Variants in SCARA3 observed in about 807,000 individuals in gnomAD.
The protein encoded by SCARA3 is cellular stress response gene protein.
Under a neutral mutation model 47.0 loss-of-function variants are expected in SCARA3, and 39 were observed. That is an observed-to-expected ratio of 0.83 (90% CI 0.64 to 1.08). SCARA3 has a LOEUF of 1.08. Among genes scored for constraint, SCARA3 ranks in the 50% least tolerant of loss-of-function variants. SCARA3 has a pLI of 0.00. For synonymous variants in SCARA3, 356 were observed against 334.1 expected (o/e 1.07, Z -0.71); for missense variants, 724 against 792.3 (o/e 0.91, Z 1.04).
chr8:27,699,683 C>A, the SCARA3 span, among the ~76,000 whole-genome samples: 1 of 152,124 alleles, frequency 6.6e-6, no homozygotes, highest in African/African-American at 2.4e-5. Flanking sequence ...AATCCCAGCA[C>A]TTTGGGAGGC....
At position 27,658,644 on chromosome 8, in the gene SCARA3, G is replaced by A; in HGVS notation, c.474G>A (p.Glu158=). ...VQLDQTLQAQ[E]VLSTTSRQIS... is the part of the protein sequence containing the mutation. ...TGGACCAGACCTTACAGGCCCAGGAGGTGCTCTCCACCACCAGCAGACAAA... is the reference window on the plus strand; with the variant it reads ...TGGACCAGACCTTACAGGCCCAGGAAGTGCTCTCCACCACCAGCAGACAAA... Residue 158 remains glutamate (E), a synonymous_variant, in exon 5 of 6, where the codon GAG becomes GAA. Transcript: ENST00000301904. 4 of 1,614,130 alleles carry A rather than the reference G, an allele frequency of 2.5e-6. No homozygotes were observed. Among genetic ancestry groups the A allele is most frequent in the Non-Finnish European group, 3.4e-6 (4 of 1,180,018 alleles).
At chr8:27,639,803 C>A (rs1467456740) in intron 1 of SCARA3, among the ~76,000 whole-genome samples, 1 of 152,148 alleles carries the variant, frequency 6.6e-6, no homozygotes, top group Non-Finnish European at 1.5e-5. Flanking sequence ...ATGGTAATGT[C>A]ATGGAAATTG....
At chr8:27,634,875 G>C (rs369025860) in intron 1 of SCARA3, among the ~76,000 whole-genome samples, 4 of 152,302 alleles carry the variant, frequency 2.6e-5, no homozygotes, top group African/African-American at 9.6e-5. Context: ...ATGATCCCAA[G>C]TGGCCATTTC....
chr8:27,664,441 A>G (rs561380784), intron 5 of SCARA3, among the ~76,000 whole-genome samples: 1 of 152,294 alleles, frequency 6.6e-6, no homozygotes, highest in East Asian at 1.9e-4. Flanking sequence ...AGGGAGTTTA[A>G]AGGAATAAGC....
chr8:27,699,141 G>A, the SCARA3 span, among the ~76,000 whole-genome samples: 1 of 151,776 alleles, frequency 6.6e-6, no homozygotes, highest in Non-Finnish European at 1.5e-5. Context: ...CTACTTGGGA[G>A]GCTGAGGCAG....
chr8:27,713,952 T>C, the SCARA3 span, among the ~76,000 whole-genome samples: 3 of 152,126 alleles, frequency 2.0e-5, no homozygotes. Flanking sequence ...GTCTTTGCCA[T>C]TGCGAGCTCT....
chr8:27,638,322 G>A (rs1249722826), intron 1 of SCARA3, among the ~76,000 whole-genome samples: 5 of 99,768 alleles, frequency 5.0e-5, no homozygotes, highest in Admixed American at 1.1e-4. Flanking sequence ...GATTGTGTGT[G>A]TGTGTGTGTG....
the SCARA3 span, among the ~76,000 whole-genome samples, chr8:27,718,953 C>CA: frequency 6.6e-6 from 1 of 152,292 alleles, no homozygotes; most frequent in Admixed American, 6.5e-5. Context: ...CCAACAGTCT[C>CA]AAGACGTAAA....
intron 5 of SCARA3, among the ~76,000 whole-genome samples, chr8:27,666,256 T>C (rs1309010524): frequency 2.0e-5 from 3 of 152,214 alleles, no homozygotes; most frequent in African/African-American, 7.2e-5. Context: ...TAAGCCTCTT[T>C]GCACAAACCA....
At chr8:27,710,104 C>A in the SCARA3 span, among the ~76,000 whole-genome samples, 1 of 152,088 alleles carries the variant, frequency 6.6e-6, no homozygotes, top group Non-Finnish European at 1.5e-5. Flanking sequence ...GTGGTGCATG[C>A]CTGTAGTCCC....
chr8:27,645,111 A>G (rs1053716851), intron 1 of SCARA3, among the ~76,000 whole-genome samples: 1 of 152,258 alleles, frequency 6.6e-6, no homozygotes, highest in Non-Finnish European at 1.5e-5. Context: ...GCAAAATTTT[A>G]TAAATTTCGA....
chr8:27,714,156 C>T, the SCARA3 span, among the ~76,000 whole-genome samples: 1 of 150,408 alleles, frequency 6.6e-6, no homozygotes, highest in South Asian at 2.1e-4. Context: ...GCCAATTAAA[C>T]CTCTTTCCTT....
chr8:27,676,574 A>T (rs1237537136), downstream of SCARA3: 1 of 1,603,636 alleles, frequency 6.2e-7, no homozygotes, highest in African/African-American at 1.3e-5. Context: ...TCTAGGTCAC[A>T]CTTTGTTTTC....
the SCARA3 span, among the ~76,000 whole-genome samples, chr8:27,699,491 C>T: frequency 6.6e-6 from 1 of 152,084 alleles, no homozygotes; most frequent in Non-Finnish European, 1.5e-5. Context: ...AGGCGTAAGC[C>T]ACTGTGCCAG....
chr8:27,648,986 AG>A (rs1801572056), intron 1 of SCARA3, among the ~76,000 whole-genome samples: 1 of 152,014 alleles, frequency 6.6e-6, no homozygotes, highest in South Asian at 2.1e-4. Context: ...GGAAGGAGAA[AG>A]GGAAGAAAAG....
At position 27,659,518 on chromosome 8, in the gene SCARA3, C is replaced by T. The variant is rs760109357; in HGVS notation, c.1348C>T (p.Arg450Cys). ...AVDTQHGEILRNVTILRGAPG... is the reference protein window; with the variant it reads ...AVDTQHGEILCNVTILRGAPG... ...GGACACACAGCATGGAGAAATCCTT[C>T]GCAATGTCACCATCCTACGAGGTAA... Residue 450 changes from arginine to cysteine, a missense_variant, in exon 5 of 6, where the codon CGC (arginine) becomes TGC (cysteine). Physicochemically the swap from Arg to Cys is radical, Grantham distance 180. Coordinates refer to ENST00000301904, the MANE Select transcript of SCARA3 (RefSeq NM_016240.3). 2.8e-5 allele frequency: 45 copies of T among 1,609,768 alleles called. No homozygotes were observed. Among genetic ancestry groups the T allele is most frequent in the South Asian group, 5.5e-5 (5 of 90,658 alleles).
the SCARA3 span, among the ~76,000 whole-genome samples, chr8:27,692,805 T>C: frequency 1.3e-5 from 2 of 152,118 alleles, no homozygotes; most frequent in African/African-American, 4.8e-5. Context: ...GGTCTTTAGA[T>C]AATAACTTAA....
the SCARA3 span, among the ~76,000 whole-genome samples, chr8:27,708,035 G>A: frequency 2.0e-5 from 3 of 152,096 alleles, no homozygotes; most frequent in African/African-American, 7.2e-5. Context: ...GAATAGGCCA[G>A]CAAAGCAAAA....
intron 3 of SCARA3, among the ~76,000 whole-genome samples, chr8:27,656,096 C>T (rs1000257045): frequency 4.7e-4 from 71 of 152,144 alleles, no homozygotes; most frequent in African/African-American, 9.9e-4. Context: ...CATCTCGTCA[C>T]GTAGGCATGG....
Sources: gnomAD v4.1 joint callset for allele counts (sites outside exome capture counted in the v4.1 genomes callset) on GRCh38, gnomAD v4.1.1 for gene constraint, MANE v1.5 for transcripts, NCBI Gene and HGNC (gene_info 2026-07-23, HGNC 2026-07-21) for gene names.